WNK3: variants seen among roughly 807,000 people sequenced by gnomAD.
WNK3 encodes serine/threonine-protein kinase WNK3.
WNK3 carries 18 observed loss-of-function variants against 116.7 expected under a neutral mutation model. That is an observed-to-expected ratio of 0.15 (90% CI 0.11 to 0.23). WNK3 has a LOEUF of 0.23. Ranked by LOEUF, WNK3 falls within the 10% of genes least tolerant of loss-of-function variation. The probability of loss-of-function intolerance (pLI) is 1.00; values close to 1 mark genes in which losing one functional copy is unlikely to be tolerated. For synonymous variants in WNK3, 404 were observed against 469.4 expected (o/e 0.86, Z 1.80); for missense variants, 993 against 1,323.8 (o/e 0.75, Z 3.88).
At chrX:54,329,977 T>C (rs2069149023) in intron 2 of WNK3, among the ~76,000 whole-genome samples, 1 of 111,892 alleles carries the variant, frequency 8.9e-6, no homozygotes, top group South Asian at 3.7e-4. Context: ...CAGTGGCTCA[T>C]GCCTATAATC....
chrX:54,267,758 T>G (rs782268041), intron 10 of WNK3, among the ~76,000 whole-genome samples: 11 of 109,911 alleles, frequency 1.0e-4, no homozygotes, highest in Non-Finnish European at 1.9e-4. Flanking sequence ...ACAGCACCAC[T>G]GCACTCCAGC....
At chrX:54,283,031 C>A (rs192045625) in intron 10 of WNK3, among the ~76,000 whole-genome samples, 178 of 112,184 alleles carry the variant, frequency 1.6e-3, no homozygotes, top group African/African-American at 5.6e-3. Context: ...GGTGAAAAGA[C>A]AACACACAGA....
At chrX:54,258,044 G>A (rs1557155939) in intron 11 of WNK3, among the ~76,000 whole-genome samples, 1 of 108,832 alleles carries the variant, frequency 9.2e-6, no homozygotes. Flanking sequence ...CTGGGAGGCC[G>A]AGGCGGGCAG....
rs782293293 is a variant in WNK3, at chrX:54,226,740, T to G, written c.4870+1974A>C. Among the ~76,000 whole-genome samples the G allele has an allele frequency of 3.5e-4, 38 of 109,029 alleles. 1 individual carries two copies. The highest frequency in any genetic ancestry group is 1.1e-3 in the African/African-American group (34 of 29,957). 94.7% of individuals were successfully genotyped at this position (109,029 alleles called of 115,157 possible). ...CCTGTGTCCCAGCTACTCAGGAGGC[T>G]AAGGCAGGAGAATCGCTTGAACCTG... is the stretch of plus-strand genomic sequence containing the variant. On this transcript the variant is annotated intron_variant, in intron 22 of 23. Transcript: ENST00000354646.
chrX:54,211,266 A>C (rs2067609294), intron 22 of WNK3, among the ~76,000 whole-genome samples: 1 of 109,256 alleles, frequency 9.2e-6, no homozygotes, highest in Non-Finnish European at 1.9e-5. Context: ...ACATGGTGAA[A>C]TCCTGTCTCT....
At chrX:54,338,504 C>T (rs1349077135) in intron 1 of WNK3, among the ~76,000 whole-genome samples, 1 of 109,643 alleles carries the variant, frequency 9.1e-6, no homozygotes, top group African/African-American at 3.3e-5. Flanking sequence ...GGAGGATCAC[C>T]TGAGCCTGGG....
chrX:54,336,925 A>G (rs2069246423), intron 1 of WNK3, among the ~76,000 whole-genome samples: 1 of 111,725 alleles, frequency 9.0e-6, no homozygotes, highest in Non-Finnish European at 1.9e-5. Context: ...CTAAGAACTG[A>G]ACTCATGAAG....
At chrX:54,263,588 C>T (rs2068279359) in intron 10 of WNK3, among the ~76,000 whole-genome samples, 1 of 111,573 alleles carries the variant, frequency 9.0e-6, no homozygotes, top group African/African-American at 3.3e-5. Flanking sequence ...ACTTTTACAA[C>T]CATTTAAAAC....
intron 5 of WNK3, among the ~76,000 whole-genome samples, chrX:54,305,735 G>C (rs2068816623): frequency 9.1e-6 from 1 of 110,290 alleles, no homozygotes; most frequent in Non-Finnish European, 1.9e-5. Context: ...ACTGAAGATT[G>C]CACCTATCTC....
chrX:54,220,459 G>T (rs1168940689), intron 22 of WNK3, among the ~76,000 whole-genome samples: 3 of 110,353 alleles, frequency 2.7e-5, no homozygotes, highest in African/African-American at 9.9e-5. Flanking sequence ...GCTGAGGTGG[G>T]AGGATCACTT....
exon 18 of WNK3, chrX:54,238,962 A>G (rs2067992840): frequency 1.7e-6 from 2 of 1,208,470 alleles, no homozygotes; most frequent in Admixed American, 4.4e-5. Context: ...TCTTGCTAAT[A>G]GGATTTTTGA....
exon 4 of WNK3, chrX:54,309,305 G>T: frequency 2.5e-6 from 3 of 1,201,015 alleles, no homozygotes; most frequent in Non-Finnish European, 3.4e-6. Flanking sequence ...ACTTTAAATC[G>T]TTTTAAGTAC....
chrX:54,349,526 T>C (rs1252889255), intron 1 of WNK3, among the ~76,000 whole-genome samples: 3 of 111,375 alleles, frequency 2.7e-5, no homozygotes, highest in Non-Finnish European at 5.7e-5. Context: ...AATATCAACA[T>C]CTTCACAATT....
chrX:54,277,296 G>A (rs782799317), intron 10 of WNK3, among the ~76,000 whole-genome samples: 1 of 110,771 alleles, frequency 9.0e-6, no homozygotes, highest in Non-Finnish European at 1.9e-5. Flanking sequence ...TAGAAAGGGA[G>A]AGATCACACT....
chrX:54,266,306 G>A, intron 10 of WNK3, among the ~76,000 whole-genome samples: 1 of 110,472 alleles, frequency 9.1e-6, no homozygotes, highest in Non-Finnish European at 1.9e-5. Context: ...GAAGGGTAGT[G>A]GGGAGAGTCA....
chrX:54,317,850 T>G (rs1263286005), intron 2 of WNK3, among the ~76,000 whole-genome samples: 1 of 108,288 alleles, frequency 9.2e-6, no homozygotes, highest in Non-Finnish European at 1.9e-5. Context: ...GCCAGGATGG[T>G]CTCGATCTTC....
intron 10 of WNK3, among the ~76,000 whole-genome samples, chrX:54,268,579 C>T (rs1557158456): frequency 1.8e-5 from 2 of 110,887 alleles, no homozygotes; most frequent in Non-Finnish European, 1.9e-5. Flanking sequence ...AGGGTAGGGG[C>T]AGGGAAAAGA....
chrX:54,216,213 C>T (rs951111123), intron 22 of WNK3, among the ~76,000 whole-genome samples: 4 of 108,938 alleles, frequency 3.7e-5, no homozygotes, highest in East Asian at 5.7e-4. Flanking sequence ...TATCTGCTGA[C>T]CTTCCCTCCA....
intron 22 of WNK3, among the ~76,000 whole-genome samples, chrX:54,213,616 G>A (rs1282725346): frequency 9.7e-6 from 1 of 103,425 alleles, no homozygotes; most frequent in Non-Finnish European, 1.9e-5. Context: ...TAACCACAAG[G>A]CATGTAGAAG....
Sources: gnomAD v4.1 joint callset for allele counts (sites outside exome capture counted in the v4.1 genomes callset) on GRCh38, gnomAD v4.1.1 for gene constraint, MANE v1.5 for transcripts, NCBI Gene and HGNC (gene_info 2026-07-23, HGNC 2026-07-21) for gene names.